Variants in XKR5 observed in about 807,000 individuals in gnomAD.
The protein encoded by XKR5 is XK related 5.
In XKR5, 46 loss-of-function variants were observed where a neutral mutation model predicts 40.8. The observed-to-expected ratio is 1.13, with a 90% confidence interval of 0.89 to 1.44. The LOEUF is 1.44. XKR5 is among the 40% of genes most tolerant of loss of function. The pLI is 0.00. For missense variants in XKR5, 1,169 were observed against 844.7 expected (o/e 1.38, Z -4.76); for synonymous variants, 466 against 356.1 (o/e 1.31, Z -3.48).
At chr8:6,815,966 C>A in intron 5 of XKR5, 48 bp from the exon 6 acceptor site, 4 of 1,418,180 alleles carry the variant, frequency 2.8e-6, no homozygotes, top group Non-Finnish European at 3.9e-6. Flanking sequence ...GTGCACACTG[C>A]CTAGGGACCC....
chr8:6,821,947 G>A lies in XKR5; in HGVS notation c.729C>T (p.Leu243=), dbSNP rs760918181. The change falls in exon 5 of 7, where the codon CTC becomes CTT. Residue 243 remains leucine (L), a synonymous_variant. Coordinates refer to ENST00000618742, the MANE Select transcript of XKR5 (RefSeq NM_207411.5). ...AGCAGAGGATGTACACGGCCCCCAC[G>A]AGCAGGTTGAACAGCCTCCAGTGGC... ...STCHWRLFNL[L]VGAVYILCYL... is the part of the protein sequence containing the mutation. The A allele has an allele frequency of 7.4e-6, 12 of 1,612,762 alleles. No homozygotes were observed. The highest frequency in any genetic ancestry group is 4.0e-5 in the African/African-American group (3 of 75,018).
In XKR5 at chr8:6,823,681, G is replaced by C; in HGVS notation, c.477C>G (p.Ser159=). 1 of 1,591,022 alleles carries C rather than the reference G, an allele frequency of 6.3e-7. No individual in the cohort carries two copies. The highest frequency in any genetic ancestry group is 1.1e-5 in the South Asian group (1 of 87,114). The change falls in exon 4 of 7, where the codon TCC becomes TCG. Residue 159 remains serine (S), a synonymous_variant. Transcript: ENST00000618742. ...TCATGAAGCCCATGAAGCGAGTGTA[G>C]GACACCAGTGCCCAGGAGAGTGAGG... The part of the protein sequence containing the change: ...SWSSLSWALV[S]YTRFMGFMKP...
intron 2 of XKR5, among the ~76,000 whole-genome samples, chr8:6,827,206 A>C (rs1804531028): frequency 6.6e-6 from 1 of 152,142 alleles, no homozygotes; most frequent in Non-Finnish European, 1.5e-5. Context: ...GGGTCTACCT[A>C]GCAGCAGCAA....
chr8:6,833,359 C>T (rs758551174), intron 1 of XKR5, among the ~76,000 whole-genome samples: 11 of 152,234 alleles, frequency 7.2e-5, no homozygotes, highest in African/African-American at 1.2e-4. Context: ...CCCTGTGGCC[C>T]GGCATGGTGT....
At chr8:6,828,534 C>T (rs116274364) in intron 2 of XKR5, among the ~76,000 whole-genome samples, 281 of 152,238 alleles carry the variant, frequency 1.8e-3, no homozygotes, top group African/African-American at 6.5e-3. Flanking sequence ...GGCTGAGACC[C>T]CTGGACAGCC....
At chr8:6,829,636 C>G (rs1392685117) in intron 2 of XKR5, among the ~76,000 whole-genome samples, 1 of 152,186 alleles carries the variant, frequency 6.6e-6, no homozygotes, top group African/African-American at 2.4e-5. Context: ...ATGCTTCAGT[C>G]TCCTGAGTAG....
At chr8:6,822,585 T>C (rs1775868154) in intron 4 of XKR5, among the ~76,000 whole-genome samples, 2 of 152,238 alleles carry the variant, frequency 1.3e-5, no homozygotes, top group Admixed American at 6.5e-5. Flanking sequence ...TTTTGGCCAA[T>C]AACTGTATTC....
In XKR5 at chr8:6,811,343, T is replaced by G; in HGVS notation, c.1916A>C (p.His639Pro). The G allele has an allele frequency of 6.5e-7, 1 of 1,537,358 alleles. No individual in the cohort carries two copies. Among genetic ancestry groups the G allele is most frequent in the Non-Finnish European group, 8.7e-7 (1 of 1,146,936 alleles). Residue 639 changes from histidine to proline, a missense_variant, in exon 7 of 7, where the codon CAT becomes CCT. Coordinates refer to ENST00000618742, the MANE Select transcript of XKR5 (RefSeq NM_207411.5). ...TGACACCCACACACCAACAGCTGCA[T>G]GGTGACTTAGCTCCCTTTTGGGCTC... ...PLEPKRELSH[H>P]AAVGVWVSLP...
rs116924128 is a variant in XKR5, at chr8:6,815,796, T to C, written c.919+11A>G. ...AGGGGATGCAGAGAAGAAGGTGACA[T>C]TGGGACTTACCAATCAGAAATCCAG... is the stretch of plus-strand genomic sequence containing the variant. On this transcript the variant is annotated intron_variant, in intron 6 of 6. Transcript: ENST00000618742. The C allele has an allele frequency of 5.7e-5, 89 of 1,571,050 alleles. No homozygotes were observed. The East Asian group carries it at 1.9e-3, about 33-fold the overall frequency.
At chr8:6,819,171 T>TG (rs1221605742) in intron 5 of XKR5, among the ~76,000 whole-genome samples, 1 of 152,248 alleles carries the variant, frequency 6.6e-6, no homozygotes, top group Non-Finnish European at 1.5e-5. Context: ...TGGGCTACGC[T>TG]GCCCAAGTCT....
intron 6 of XKR5, among the ~76,000 whole-genome samples, chr8:6,815,196 T>A (rs1398823323): frequency 6.6e-6 from 1 of 152,078 alleles, no homozygotes; most frequent in East Asian, 1.9e-4. Flanking sequence ...GGGGGCGGAA[T>A]CCCTGCGGAA....
At position 6,811,159 on chromosome 8, in the gene XKR5, G is replaced by C. The variant is rs554887481; in HGVS notation, c.*39C>G. The C allele has an allele frequency of 2.4e-5, 36 of 1,497,828 alleles. No individual in the cohort carries two copies. The highest frequency in any genetic ancestry group is 1.8e-4 in the Middle Eastern group (1 of 5,648). 92.8% of individuals were successfully genotyped at this position (1,497,828 alleles called of 1,614,324 possible). On this transcript the variant is annotated 3_prime_UTR_variant, in exon 7 of 7. Coordinates refer to ENST00000618742, the MANE Select transcript of XKR5 (RefSeq NM_207411.5). Reference sequence around the variant, plus strand: ...TCTCACGGTACCAAATGGCCAGCTTGGTTTGTCAGCCTGTTGTCTTATCCC... The same window carrying C: ...TCTCACGGTACCAAATGGCCAGCTTCGTTTGTCAGCCTGTTGTCTTATCCC...
chr8:6,823,796 T>C lies in XKR5; in HGVS notation c.428-66A>G. The C allele has an allele frequency of 2.2e-6, 3 of 1,353,406 alleles. No individual in the cohort carries two copies. The South Asian group carries it at 3.8e-5, about 17-fold the overall frequency. 83.8% of individuals were successfully genotyped at this position (1,353,406 alleles called of 1,614,324 possible). A position where few individuals can be genotyped will look rare whatever the true frequency, so the allele number is the denominator to read the frequency against. ...CCGAAGTAACAGTACCTTGTGAAGATTCACTCATGGCATTTCTTTAATGGG... is the reference window on the plus strand; with the variant it reads ...CCGAAGTAACAGTACCTTGTGAAGACTCACTCATGGCATTTCTTTAATGGG... On this transcript the variant is annotated intron_variant, in intron 3 of 6. Coordinates refer to ENST00000618742, the MANE Select transcript of XKR5 (RefSeq NM_207411.5).
chr8:6,811,881 G>T lies in XKR5; in HGVS notation c.1378C>A (p.Arg460Ser), dbSNP rs201279134. The part of the protein sequence containing the change: ...SAQQELPSSS[R>S]DPSTLENSSA... ...CTGTTCTCTAAGGTTGAGGGGTCACGGGATGAGGATGGGAGCTCTTGCTGG... is the reference window on the plus strand; with the variant it reads ...CTGTTCTCTAAGGTTGAGGGGTCACTGGATGAGGATGGGAGCTCTTGCTGG... Residue 460 changes from arginine to serine, a missense_variant, in exon 7 of 7, where the codon CGT (arginine) becomes AGT (serine). Transcript: ENST00000618742. 2.4e-5 allele frequency: 37 copies of T among 1,537,506 alleles called. No individual in the cohort carries two copies. The African/African-American group carries it at 4.8e-4, about 20-fold the overall frequency.
rs778460856 is a variant in XKR5, at chr8:6,823,513, C to G, written c.637+8G>C. On this transcript the variant is annotated splice_region_variant and intron_variant, in intron 4 of 6. Coordinates refer to ENST00000618742, the MANE Select transcript of XKR5 (RefSeq NM_207411.5). Reference sequence around the variant, plus strand: ...GCAACAGATGACCAGATCATTAGCTCAGCTCACCTGCAACCACAAAAACCC... The same window carrying G: ...GCAACAGATGACCAGATCATTAGCTGAGCTCACCTGCAACCACAAAAACCC... 6.3e-7 allele frequency: 1 copy of G among 1,576,698 alleles called. No individual in the cohort carries two copies. Among genetic ancestry groups the G allele is most frequent in the Non-Finnish European group, 8.6e-7 (1 of 1,160,900 alleles).
At chr8:6,820,817 A>G (rs1339338535) in intron 5 of XKR5, among the ~76,000 whole-genome samples, 1 of 152,200 alleles carries the variant, frequency 6.6e-6, no homozygotes. Flanking sequence ...TAAAATCAGC[A>G]GGTGTCTAGG....
In XKR5 at chr8:6,811,586, CCTT is replaced by C. The variant is rs765521565; in HGVS notation, c.1670_1672del (p.Glu557del). The C allele has an allele frequency of 6.5e-7, 1 of 1,537,264 alleles. No homozygotes were observed. Among genetic ancestry groups the C allele is most frequent in the South Asian group, 1.2e-5 (1 of 84,048 alleles). On this transcript the variant is annotated inframe_deletion, in exon 7 of 7. Coordinates refer to ENST00000618742, the MANE Select transcript of XKR5 (RefSeq NM_207411.5). ...GGCCGTTTGCAGAGTAGCTGGGCTG[CCTT>C]CTTGTTGTGAGGATGTGGCCACTTC...
intron 2 of XKR5, among the ~76,000 whole-genome samples, chr8:6,831,889 C>A (rs373992022): frequency 1.3e-5 from 2 of 151,994 alleles, no homozygotes; most frequent in Non-Finnish European, 2.9e-5. Flanking sequence ...GTGGCACGTG[C>A]CTGTAGTCCC....
At chr8:6,830,096 C>G (rs1179326515) in intron 2 of XKR5, among the ~76,000 whole-genome samples, 4 of 151,906 alleles carry the variant, frequency 2.6e-5, no homozygotes, top group Non-Finnish European at 5.9e-5. Context: ...CTCGGCCTCT[C>G]AAAGTGCTGG....
Sources: gnomAD v4.1 joint callset for allele counts (sites outside exome capture counted in the v4.1 genomes callset) on GRCh38, gnomAD v4.1.1 for gene constraint, MANE v1.5 for transcripts, NCBI Gene and HGNC (gene_info 2026-07-23, HGNC 2026-07-21) for gene names.